The following RABGAP1 variants were observed in gnomAD, a reference collection of about 807,000 sequenced individuals.
RABGAP1 encodes the protein rab GTPase-activating protein 1.
In RABGAP1, 23 loss-of-function variants were observed where a neutral mutation model predicts 137.6. The ratio of observed to expected loss-of-function variants is 0.17; its 90% CI spans 0.12 to 0.24. RABGAP1 has a LOEUF of 0.24. Ranked by LOEUF, RABGAP1 falls within the 10% of genes least tolerant of loss-of-function variation. RABGAP1 has a pLI of 1.00. For missense variants in RABGAP1, 906 were observed against 1,275.8 expected (o/e 0.71, Z 4.42); for synonymous variants, 451 against 450.7 (o/e 1.00, Z -0.01).
At chr9:122,939,779 C>A (rs2131555714), upstream of RABGAP1, 1 of 152,262 alleles carries the variant, frequency 6.6e-6, no homozygotes, top group South Asian at 2.1e-4. Context: ...GGAAGCGAAA[C>A]TATTTTTCTG....
At chr9:123,101,391 T>C (rs1043461038) in intron 24 of RABGAP1, among the ~76,000 whole-genome samples, 175 bp from the exon 25 acceptor site, 1 of 152,174 alleles carries the variant, frequency 6.6e-6, no homozygotes, top group African/African-American at 2.4e-5. Flanking sequence ...TGGTGTATAA[T>C]ACCAAGTGGC....
intron 11 of RABGAP1, among the ~76,000 whole-genome samples, chr9:123,013,485 C>G (rs936147263): frequency 2.0e-5 from 3 of 152,016 alleles, no homozygotes; most frequent in Admixed American, 6.6e-5. Flanking sequence ...GTGCCCACAC[C>G]ACACCTAGCT....
chr9:122,940,896 CG>C (rs1317908237), upstream of RABGAP1: 2 of 152,130 alleles, frequency 1.3e-5, no homozygotes, highest in African/African-American at 4.8e-5. Context: ...CCTCGCTTCC[CG>C]GTATTGGGCC....
At chr9:122,980,725 A>C (rs1447576362) in intron 2 of RABGAP1, among the ~76,000 whole-genome samples, 2 of 152,368 alleles carry the variant, frequency 1.3e-5, no homozygotes, top group Admixed American at 1.3e-4. Flanking sequence ...TCGTTTTATC[A>C]TGATGAACCA....
chr9:123,057,677 G>A (rs2033787123), intron 13 of RABGAP1, among the ~76,000 whole-genome samples: 1 of 152,200 alleles, frequency 6.6e-6, no homozygotes, highest in South Asian at 2.1e-4. Flanking sequence ...CTGCAATCTC[G>A]GCACTTTGGG....
At chr9:123,055,563 T>C (rs2033659548) in intron 13 of RABGAP1, among the ~76,000 whole-genome samples, 1 of 149,710 alleles carries the variant, frequency 6.7e-6, no homozygotes, top group Non-Finnish European at 1.5e-5. Context: ...TTTTTTTTTT[T>C]TTTGAGATGG....
At chr9:122,970,622 C>T (rs1343259949) in intron 2 of RABGAP1, among the ~76,000 whole-genome samples, 2 of 152,116 alleles carry the variant, frequency 1.3e-5, no homozygotes, top group African/African-American at 2.4e-5. Flanking sequence ...TCCCTTCCTA[C>T]CCTCTGTTGC....
At chr9:122,932,141 C>T in the RABGAP1 span, among the ~76,000 whole-genome samples, 1 of 152,166 alleles carries the variant, frequency 6.6e-6, no homozygotes, top group Non-Finnish European at 1.5e-5. Context: ...CTATCCAGAC[C>T]GGAAAACTTG....
intron 4 of RABGAP1, among the ~76,000 whole-genome samples, 161 bp from the exon 5 acceptor site, chr9:122,989,136 C>T (rs1024321111): frequency 2.0e-5 from 3 of 151,940 alleles, no homozygotes; most frequent in African/African-American, 7.3e-5. Context: ...CAATAGCTTC[C>T]GGAATTCACA....
chr9:123,088,698 A>T (rs138493512), intron 19 of RABGAP1, among the ~76,000 whole-genome samples: 2 of 152,300 alleles, frequency 1.3e-5, no homozygotes, highest in South Asian at 4.1e-4. Flanking sequence ...AGGAAAAAAA[A>T]GCCAGTTGCA....
intron 13 of RABGAP1, among the ~76,000 whole-genome samples, chr9:123,031,277 A>G (rs1328724305): frequency 1.3e-5 from 2 of 152,280 alleles, no homozygotes; most frequent in African/African-American, 4.8e-5. Context: ...TACAGCAGTA[A>G]CTCTCAAAAA....
intron 22 of RABGAP1, 88 bp downstream of exon 22, chr9:123,097,933 C>G: frequency 9.4e-7 from 1 of 1,060,988 alleles, no homozygotes; most frequent in Non-Finnish European, 1.4e-6. Flanking sequence ...ACTAGAAAAC[C>G]TAGAGACATC....
chr9:123,015,671 A>G (rs573478138), intron 12 of RABGAP1, 35 bp downstream of exon 12: 4 of 1,446,690 alleles, frequency 2.8e-6, no homozygotes, highest in East Asian at 2.3e-5. Flanking sequence ...TTTATCTGCA[A>G]TTTTCATTTT....
intron 13 of RABGAP1, among the ~76,000 whole-genome samples, chr9:123,023,396 G>C (rs942131309): frequency 6.6e-6 from 1 of 152,080 alleles, no homozygotes; most frequent in Non-Finnish European, 1.5e-5. Context: ...GGCTAGGCTC[G>C]TCTCGAACTC....
chr9:123,028,608 G>A (rs1201656902), intron 13 of RABGAP1, among the ~76,000 whole-genome samples: 2 of 152,226 alleles, frequency 1.3e-5, no homozygotes, highest in African/African-American at 4.8e-5. Flanking sequence ...AGTGTGAATG[G>A]AGGTAAGACC....
intron 19 of RABGAP1, among the ~76,000 whole-genome samples, chr9:123,086,925 A>T (rs549210534): frequency 5.4e-4 from 83 of 152,358 alleles, no homozygotes; most frequent in African/African-American, 1.9e-3. Context: ...ACCCTGTATA[A>T]TTATGAAAAT....
At chr9:123,079,239 G>GTTTTTTTTTTTTTTTTTT (rs56098560) in intron 19 of RABGAP1, among the ~76,000 whole-genome samples, 3 of 106,678 alleles carry the variant, frequency 2.8e-5, no homozygotes, top group African/African-American at 5.8e-5. Context: ...GTTTTGTTTT[G>GTTTTTTTTTTTTTTTTTT]TTTTTTTTTT....
At chr9:123,056,533 G>A (rs1176260019) in intron 13 of RABGAP1, among the ~76,000 whole-genome samples, 1 of 147,596 alleles carries the variant, frequency 6.8e-6, no homozygotes, top group Non-Finnish European at 1.5e-5. Flanking sequence ...TGCAGAGTGG[G>A]ATTTGGCAGG....
At chr9:123,024,673 C>T (rs889106574) in intron 13 of RABGAP1, among the ~76,000 whole-genome samples, 5 of 152,050 alleles carry the variant, frequency 3.3e-5, no homozygotes, top group African/African-American at 7.2e-5. Flanking sequence ...CTCCCGACCT[C>T]GTGATCCTCC....
Sources: gnomAD v4.1 joint callset for allele counts (sites outside exome capture counted in the v4.1 genomes callset) on GRCh38, gnomAD v4.1.1 for gene constraint, MANE v1.5 for transcripts, NCBI Gene and HGNC (gene_info 2026-07-23, HGNC 2026-07-21) for gene names.